ADAM12: variants seen among roughly 807,000 people sequenced by gnomAD.
ADAM12 encodes the protein ADAM metallopeptidase domain 12, also known as disintegrin and metalloproteinase domain-containing protein 12.
A neutral mutation model predicts 106.4 loss-of-function variants in ADAM12; 70 were observed. The ratio of observed to expected loss-of-function variants is 0.66; its 90% CI spans 0.54 to 0.80. The LOEUF is 0.80. Among genes scored for constraint, ADAM12 ranks in the 30% least tolerant of loss-of-function variants. The pLI is 0.00. For synonymous variants in ADAM12, 420 were observed against 433.5 expected (o/e 0.97, Z 0.39); for missense variants, 1,010 against 1,171.9 (o/e 0.86, Z 2.02).
chr10:126,086,424 C>T (rs1295925094), intron 11 of ADAM12, among the ~76,000 whole-genome samples: 1 of 150,790 alleles, frequency 6.6e-6, no homozygotes, highest in East Asian at 2.0e-4. Context: ...ACCTGTAATC[C>T]CAGCACTTTA....
rs540709984 is a variant in ADAM12 at position 126,281,814 on chromosome 10, T to C, written c.187-2826A>G. 2.0e-5 allele frequency among the ~76,000 whole-genome samples: 3 copies of C among 152,344 alleles called. No individual in the cohort carries two copies. The South Asian group carries it at 6.2e-4, about 32-fold the overall frequency. ...AACTGTACCTGCTGAATAAATCAAT[T>C]AACTGCTAATCAATGGGCCAGAAAT... On this transcript the variant is annotated intron_variant, in intron 2 of 22. Coordinates refer to ENST00000448723, the MANE Select transcript of ADAM12 (RefSeq NM_001288973.2).
chr10:126,174,190 C>T (rs1233313307), intron 3 of ADAM12, among the ~76,000 whole-genome samples: 1 of 151,642 alleles, frequency 6.6e-6, no homozygotes, highest in Admixed American at 6.6e-5. Context: ...CCCTCCTCCC[C>T]CTTCCCCCCA....
chr10:126,145,993 G>A (rs1483911086), intron 4 of ADAM12, among the ~76,000 whole-genome samples: 3 of 152,202 alleles, frequency 2.0e-5, no homozygotes, highest in Admixed American at 6.5e-5. Context: ...ATGCAATCTT[G>A]TGATACAAAT....
chr10:126,325,017 C>T (rs1162083470), intron 2 of ADAM12, among the ~76,000 whole-genome samples: 1 of 152,058 alleles, frequency 6.6e-6, no homozygotes, highest in Non-Finnish European at 1.5e-5. Context: ...CATGAGGTCA[C>T]AGTTGAGAGG....
chr10:126,189,571 A>G (rs560581491), intron 3 of ADAM12, among the ~76,000 whole-genome samples: 2 of 152,318 alleles, frequency 1.3e-5, no homozygotes, highest in African/African-American at 4.8e-5. Context: ...TGTGCTAAAC[A>G]TGCATTGCCA....
At chr10:126,020,992 CAAAAAAAAA>C (rs3067295) in intron 21 of ADAM12, among the ~76,000 whole-genome samples, 2 of 98,346 alleles carry the variant, frequency 2.0e-5, no homozygotes, top group Admixed American at 1.2e-4. Context: ...GACTCTGTCT[CAAAAAAAAA>C]AAAAAAAAAA....
intron 1 of ADAM12, among the ~76,000 whole-genome samples, chr10:126,349,799 A>G (rs1855284207): frequency 6.6e-6 from 1 of 152,204 alleles, no homozygotes; most frequent in African/African-American, 2.4e-5. Context: ...CAGATCTATA[A>G]CAATGCAAAT....
At chr10:126,241,802 C>T (rs1958529667) in intron 3 of ADAM12, among the ~76,000 whole-genome samples, 1 of 152,168 alleles carries the variant, frequency 6.6e-6, no homozygotes, top group Non-Finnish European at 1.5e-5. Context: ...GCAGCAGATG[C>T]TTAATAAATG....
chr10:126,251,990 T>C, intron 3 of ADAM12, among the ~76,000 whole-genome samples: 1 of 41,320 alleles, frequency 2.4e-5, no homozygotes, highest in South Asian at 9.2e-4. Context: ...ACAGGATTGA[T>C]GGATGGATGG....
intron 3 of ADAM12, among the ~76,000 whole-genome samples, chr10:126,257,134 G>A (rs1446773635): frequency 6.6e-6 from 1 of 152,162 alleles, no homozygotes; most frequent in Non-Finnish European, 1.5e-5. Flanking sequence ...TGTACTGCCA[G>A]CCTGGATTCC....
intron 4 of ADAM12, among the ~76,000 whole-genome samples, chr10:126,152,680 G>A (rs982260131): frequency 4.6e-5 from 7 of 151,656 alleles, no homozygotes; most frequent in Non-Finnish European, 8.8e-5. Context: ...TAAAAATGAT[G>A]TAGCTGGATT....
chr10:126,222,651 T>C (rs968982412), intron 3 of ADAM12, among the ~76,000 whole-genome samples: 4 of 151,932 alleles, frequency 2.6e-5, no homozygotes, highest in African/African-American at 4.8e-5. Flanking sequence ...AAGCTTCCAT[T>C]TGGGGCTCTC....
intron 3 of ADAM12, among the ~76,000 whole-genome samples, chr10:126,226,020 C>T (rs1241300920): frequency 1.3e-5 from 2 of 151,886 alleles, no homozygotes; most frequent in African/African-American, 4.9e-5. Context: ...CCTCAAAGGG[C>T]AGCAGGGACA....
chr10:126,219,173 C>CAAAAACA (rs1958043780), intron 3 of ADAM12, among the ~76,000 whole-genome samples: 1 of 152,126 alleles, frequency 6.6e-6, no homozygotes, highest in Non-Finnish European at 1.5e-5. Context: ...TAAAAAATAA[C>CAAAAACA]AAAAACAAAA....
intron 2 of ADAM12, among the ~76,000 whole-genome samples, chr10:126,302,809 A>G (rs1047961944): frequency 8.5e-5 from 13 of 152,258 alleles, no homozygotes; most frequent in Admixed American, 3.9e-4. Flanking sequence ...AAATTGTGTC[A>G]TTTCAGAATG....
intron 17 of ADAM12, among the ~76,000 whole-genome samples, chr10:126,045,081 A>T (rs1251106000): frequency 6.6e-6 from 1 of 152,174 alleles, no homozygotes; most frequent in African/African-American, 2.4e-5. Context: ...GCCAAGGGGT[A>T]TTGGAAAGGG....
chr10:126,051,471 A>T (rs114536314), intron 14 of ADAM12, among the ~76,000 whole-genome samples: 1 of 149,280 alleles, frequency 6.7e-6, no homozygotes, highest in South Asian at 2.1e-4. Context: ...CCGTCCATCC[A>T]TCCGTCCAGC....
chr10:126,286,466 T>C (rs1334913887), intron 2 of ADAM12, among the ~76,000 whole-genome samples: 2 of 152,106 alleles, frequency 1.3e-5, no homozygotes, highest in Non-Finnish European at 2.9e-5. Context: ...AACAACAAAA[T>C]TAAAATATTG....
intron 1 of ADAM12, among the ~76,000 whole-genome samples, chr10:126,362,347 A>G (rs1855770203): frequency 6.6e-6 from 1 of 152,212 alleles, no homozygotes; most frequent in African/African-American, 2.4e-5. Flanking sequence ...GGAAATGTAA[A>G]TTAGTATGAT....
Sources: gnomAD v4.1 joint callset for allele counts (sites outside exome capture counted in the v4.1 genomes callset) on GRCh38, gnomAD v4.1.1 for gene constraint, MANE v1.5 for transcripts, NCBI Gene and HGNC (gene_info 2026-07-23, HGNC 2026-07-21) for gene names.